ANK1: variants seen among roughly 807,000 people sequenced by gnomAD.
The protein encoded by ANK1 is ankyrin 1.
A neutral mutation model predicts 210.4 loss-of-function variants in ANK1; 51 were observed. The ratio of observed to expected loss-of-function variants is 0.24; its 90% CI spans 0.19 to 0.31. The LOEUF is 0.31. Among genes scored for constraint, ANK1 ranks in the 10% least tolerant of loss-of-function variants. The pLI is 1.00. For missense variants in ANK1, 2,051 were observed against 2,504.4 expected (o/e 0.82, Z 3.86); for synonymous variants, 967 against 1,025.9 (o/e 0.94, Z 1.10).
intron 1 of ANK1, among the ~76,000 whole-genome samples, chr8:41,835,043 G>T (rs1216493797): frequency 6.6e-6 from 1 of 152,286 alleles, no homozygotes; most frequent in African/African-American, 2.4e-5. Context: ...CTCACTGTCT[G>T]ATTTGAAGGC....
intron 2 of ANK1, among the ~76,000 whole-genome samples, chr8:41,744,579 C>T (rs1412624644): frequency 6.7e-6 from 1 of 149,522 alleles, no homozygotes; most frequent in African/African-American, 2.5e-5. Flanking sequence ...CTCTATTGCC[C>T]AGGCTGGAGT....
chr8:41,856,353 G>A (rs1812175514), intron 1 of ANK1, among the ~76,000 whole-genome samples: 1 of 152,220 alleles, frequency 6.6e-6, no homozygotes, highest in Admixed American at 6.5e-5. Flanking sequence ...ACCAACAGGA[G>A]TTGTCTTAAA....
intron 1 of ANK1, among the ~76,000 whole-genome samples, chr8:41,818,866 G>T (rs985729175): frequency 6.6e-6 from 1 of 152,208 alleles, no homozygotes; most frequent in Non-Finnish European, 1.5e-5. Context: ...ATTGTGCACA[G>T]CGGGGCTTGC....
chr8:41,740,597 G>C (rs1325292409), intron 2 of ANK1, among the ~76,000 whole-genome samples: 3 of 152,046 alleles, frequency 2.0e-5, no homozygotes, highest in Non-Finnish European at 4.4e-5. Context: ...TCCCCTGGCT[G>C]AGGCAGTTTG....
chr8:41,762,105 G>A (rs1840617753), intron 1 of ANK1, among the ~76,000 whole-genome samples: 1 of 152,192 alleles, frequency 6.6e-6, no homozygotes, highest in Admixed American at 6.5e-5. Context: ...CTGTTCATGA[G>A]GCACACTCAT....
intron 36 of ANK1, among the ~76,000 whole-genome samples, chr8:41,685,136 C>T (rs1359402992): frequency 6.6e-6 from 1 of 152,202 alleles, no homozygotes; most frequent in South Asian, 2.1e-4. Context: ...GCCATGTTGG[C>T]CAGGCTGGTC....
At chr8:41,892,693 GC>G (rs1348169532) in intron 1 of ANK1, among the ~76,000 whole-genome samples, 2 of 152,072 alleles carry the variant, frequency 1.3e-5, no homozygotes. Context: ...TTTTCCAGAT[GC>G]CCCCAAAAGA....
intron 1 of ANK1, among the ~76,000 whole-genome samples, chr8:41,876,168 G>T (rs1816552464): frequency 6.6e-6 from 1 of 152,112 alleles, no homozygotes; most frequent in Non-Finnish European, 1.5e-5. Context: ...CTCCCGAGGC[G>T]GCGCTCCCCA....
At chr8:41,699,077 G>T (rs1019901906) in intron 23 of ANK1, among the ~76,000 whole-genome samples, 1 of 152,292 alleles carries the variant, frequency 6.6e-6, no homozygotes, top group Middle Eastern at 3.4e-3. Context: ...GGGATTACAG[G>T]TGTGAGCCAC....
chr8:41,736,515 G>A (rs749496265), intron 2 of ANK1, among the ~76,000 whole-genome samples: 21 of 152,210 alleles, frequency 1.4e-4, no homozygotes, highest in Non-Finnish European at 1.9e-4. Flanking sequence ...TGTGGCTGTC[G>A]GCATGGCTGG....
chr8:41,738,150 C>T (rs1833895593), intron 2 of ANK1, among the ~76,000 whole-genome samples: 1 of 152,110 alleles, frequency 6.6e-6, no homozygotes, highest in Non-Finnish European at 1.5e-5. Context: ...CAGAGGTGCC[C>T]ACCTGCACAA....
chr8:41,883,853 G>A (rs1315455233), intron 1 of ANK1, among the ~76,000 whole-genome samples: 1 of 152,172 alleles, frequency 6.6e-6, no homozygotes, highest in Non-Finnish European at 1.5e-5. Flanking sequence ...CAGTCAAGAG[G>A]ACTGGAACTA....
intron 42 of ANK1, chr8:41,660,996 T>C: frequency 3.5e-6 from 1 of 286,492 alleles, no homozygotes; most frequent in Non-Finnish European, 6.8e-6. Context: ...CACTTAGATT[T>C]ACAGAGTGCT....
chr8:41,767,710 G>A (rs991023312), intron 1 of ANK1, among the ~76,000 whole-genome samples: 3 of 152,094 alleles, frequency 2.0e-5, no homozygotes, highest in South Asian at 4.1e-4. Flanking sequence ...GGTGCCGGCC[G>A]GCGGGCTCGG....
Position 41,696,680 on chromosome 8 carries a change from T to C in ANK1, c.2731A>G (p.Thr911Ala). 1 of 1,604,040 alleles carries C rather than the reference T, an allele frequency of 6.2e-7. No homozygotes were observed. Residue 911 changes from threonine (T) to alanine (A), a missense_variant, in exon 25 of 43, where the codon ACA becomes GCA. Physicochemically the swap from Thr to Ala is moderately conservative, Grantham distance 58 (BLOSUM62 0). Transcript: ENST00000289734. ...NISPVASPVHTGFLVSFMVDA... is the reference protein window; with the variant it reads ...NISPVASPVHAGFLVSFMVDA... ...AGCCCTGCGCCCGCCACTCACCCTG[T>C]ATGCACCGGGCTGGCCACCGGGCTG...
Position 41,843,778 on chromosome 8 carries a change from C to T in ANK1, c.126+52577G>A, listed in dbSNP as rs191687400. ...AAATTTGCAGCAGCTTATACATGTA[C>T]GGATCTTGTTAACTCAAGATACGTA... On this transcript the variant is annotated intron_variant, in intron 1 of 42. Coordinates refer to the ANK1 transcript ENST00000265709. 1.2e-4 allele frequency among the ~76,000 whole-genome samples: 18 copies of T among 152,308 alleles called. No homozygotes were observed. The East Asian group carries it at 1.7e-3, about 15-fold the overall frequency.
chr8:41,766,424 C>T (rs1333397454), intron 1 of ANK1, among the ~76,000 whole-genome samples: 1 of 152,228 alleles, frequency 6.6e-6, no homozygotes, highest in African/African-American at 2.4e-5. Context: ...GCTGTTACAG[C>T]TTTACAAACT....
chr8:41,717,008 G>A lies in ANK1; in HGVS notation c.1349C>T (p.Thr450Met), dbSNP rs193232101. The change falls in exon 13 of 43, where the codon ACG (threonine) becomes ATG (methionine). Residue 450 changes from threonine (T) to methionine (M), a missense_variant. Thr to Met is a moderately conservative substitution (Grantham distance 81, BLOSUM62 -1). Around this residue, in one of 6 missense-constraint regions of ANK1, gnomAD observed 1,413 missense variants for 1,707.4 expected, o/e 0.83. Transcript: ENST00000289734. ...CTGGAGTAAATATTTGGCCACTTCC[G>A]TGTGCCCGGCTCTGGCTGCCATGTG... is the stretch of plus-strand genomic sequence containing the variant. Reference protein sequence around the residue: ...PLHMAARAGHTEVAKYLLQNK... With the variant: ...PLHMAARAGHMEVAKYLLQNK... 2.2e-5 allele frequency: 36 copies of A among 1,614,218 alleles called. 1 individual carries two copies. The East Asian group carries it at 3.3e-4, about 15-fold the overall frequency.
In ANK1 at chr8:41,661,440, G is replaced by T. The variant is rs768971804; in HGVS notation, c.*26C>A. 1.9e-6 allele frequency: 3 copies of T among 1,614,034 alleles called. No homozygotes were observed. The highest frequency in any genetic ancestry group is 1.7e-6 in the Non-Finnish European group (2 of 1,180,018). ...GAAGGGCAGCGTTACCTCCCGAGAG[G>T]CTACTCCAAGGAGAGCGGCTCGGGG... On this transcript the variant is annotated 3_prime_UTR_variant, in exon 42 of 43. Transcript: ENST00000289734.
Sources: allele counts gnomAD v4.1 joint callset (sites outside exome capture counted in the v4.1 genomes callset), GRCh38; gene constraint gnomAD v4.1.1; regional missense constraint gnomAD v4.1.1; transcripts MANE v1.5; gene names NCBI Gene and HGNC (gene_info 2026-07-23, HGNC 2026-07-21).